Variants in VPS13B observed in about 807,000 individuals in gnomAD.
The protein encoded by VPS13B is intermembrane lipid transfer protein VPS13B.
In VPS13B, 285 loss-of-function variants were observed where a neutral mutation model predicts 426.4. The ratio of observed to expected loss-of-function variants is 0.67; its 90% CI spans 0.61 to 0.74. The LOEUF is 0.74. VPS13B is among the 30% of genes least tolerant of loss of function. The pLI is 0.00. For missense variants in VPS13B, 4,537 were observed against 4,782.6 expected (o/e 0.95, Z 1.51); for synonymous variants, 1,676 against 1,676.4 (o/e 1.00, Z 0.01).
intron 39 of VPS13B, among the ~76,000 whole-genome samples, chr8:99,740,711 TC>T (rs1433776279): frequency 9.9e-5 from 15 of 152,246 alleles, no homozygotes; most frequent in African/African-American, 3.4e-4. Context: ...GAATTTCATA[TC>T]CAGCCAAACT....
At chr8:99,769,231 A>C (rs1811368960) in intron 40 of VPS13B, among the ~76,000 whole-genome samples, 1 of 152,182 alleles carries the variant, frequency 6.6e-6, no homozygotes, top group African/African-American at 2.4e-5. Context: ...GTTTGAGACT[A>C]ATCATTTTTC....
intron 43 of VPS13B, among the ~76,000 whole-genome samples, chr8:99,807,605 C>T (rs758199790): frequency 6.6e-6 from 1 of 151,658 alleles, no homozygotes; most frequent in South Asian, 2.1e-4. Flanking sequence ...CAAAGATATT[C>T]TGGTACTTTT....
intron 25 of VPS13B, among the ~76,000 whole-genome samples, chr8:99,484,935 T>G (rs1020314447): frequency 1.3e-5 from 2 of 152,056 alleles, no homozygotes; most frequent in Non-Finnish European, 2.9e-5. Context: ...ATCTCCTTCA[T>G]AAAATTTTTG....
intron 3 of VPS13B, among the ~76,000 whole-genome samples, chr8:99,067,722 A>C (rs1212021120): frequency 6.6e-6 from 1 of 152,242 alleles, no homozygotes; most frequent in Admixed American, 6.5e-5. Context: ...CTAATAGTAT[A>C]ATGTATAATT....
intron 24 of VPS13B, among the ~76,000 whole-genome samples, chr8:99,480,372 T>G (rs150480315): frequency 1.3e-5 from 2 of 152,324 alleles, no homozygotes; most frequent in Admixed American, 6.5e-5. Context: ...AAAAGCAGCA[T>G]CATTTCTCTT....
Position 99,331,960 on chromosome 8 carries a change from TTTTG to T in VPS13B, c.2825-52244_2825-52241del, listed in dbSNP as rs1287659206. ...TTAACACAGTACAGCATAAATTCTGTTTTGTTTAAGGAATTTTTAAAAAATTTAT... is the reference window on the plus strand; with the variant it reads ...TTAACACAGTACAGCATAAATTCTGTTTTAAGGAATTTTTAAAAAATTTAT... On this transcript the variant is annotated intron_variant, in intron 19 of 61. Transcript: ENST00000357162. Among the ~76,000 whole-genome samples, 5 of 151,920 alleles carry T rather than the reference TTTTG, an allele frequency of 3.3e-5. No homozygotes were observed. In the East Asian group the frequency reaches 7.7e-4, roughly 23 times the overall value.
intron 19 of VPS13B, among the ~76,000 whole-genome samples, chr8:99,312,548 C>T (rs972896511): frequency 2.6e-5 from 4 of 152,202 alleles, no homozygotes; most frequent in African/African-American, 4.8e-5. Context: ...GCTGTTGGTC[C>T]GATGGGCTTC....
chr8:99,114,145 C>CTTTT (rs35036952), intron 6 of VPS13B, among the ~76,000 whole-genome samples: 4 of 146,354 alleles, frequency 2.7e-5, no homozygotes, highest in African/African-American at 5.0e-5. Context: ...TTGCAAATAT[C>CTTTT]TTTTTTTTTT....
At chr8:99,257,744 C>T (rs1013076046) in intron 17 of VPS13B, among the ~76,000 whole-genome samples, 1 of 149,980 alleles carries the variant, frequency 6.7e-6, no homozygotes, top group Non-Finnish European at 1.5e-5. Flanking sequence ...TCTATGTTTC[C>T]TGTGTAGTAT....
chr8:99,371,478 G>T (rs930079393), intron 19 of VPS13B, among the ~76,000 whole-genome samples: 26 of 152,172 alleles, frequency 1.7e-4, no homozygotes, highest in African/African-American at 5.8e-4. Context: ...AGGCTGTTTT[G>T]GTTACTGTAG....
intron 30 of VPS13B, among the ~76,000 whole-genome samples, chr8:99,524,298 T>C (rs1822530300): frequency 1.3e-5 from 2 of 152,130 alleles, no homozygotes. Flanking sequence ...GAGAGAGTGA[T>C]AGGAGTAGAA....
intron 33 of VPS13B, among the ~76,000 whole-genome samples, chr8:99,583,720 G>T: frequency 6.6e-6 from 1 of 152,234 alleles, no homozygotes; most frequent in African/African-American, 2.4e-5. Flanking sequence ...GTGTGGTTGC[G>T]TAATAACAGA....
chr8:99,053,892 C>G (rs200270973), intron 3 of VPS13B, among the ~76,000 whole-genome samples: 3 of 152,190 alleles, frequency 2.0e-5, no homozygotes, highest in East Asian at 1.9e-4. Context: ...TTAGTAGAGA[C>G]TGGGTTTCAC....
chr8:99,065,498 T>C (rs544292415), intron 3 of VPS13B, among the ~76,000 whole-genome samples: 2 of 152,270 alleles, frequency 1.3e-5, no homozygotes, highest in East Asian at 3.9e-4. Flanking sequence ...AACTAGGTAT[T>C]GATGGAACGT....
chr8:99,741,237 A>T (rs1327587623), intron 39 of VPS13B, among the ~76,000 whole-genome samples: 1 of 152,236 alleles, frequency 6.6e-6, no homozygotes, highest in Non-Finnish European at 1.5e-5. Flanking sequence ...AGGCCATTAC[A>T]TAATGGTAAA....
chr8:99,365,218 A>C (rs932308856), intron 19 of VPS13B, among the ~76,000 whole-genome samples: 7 of 151,552 alleles, frequency 4.6e-5, no homozygotes, highest in African/African-American at 1.7e-4. Context: ...TTTTCAAAAA[A>C]TCAATATTAT....
Position 99,178,003 on chromosome 8 carries a change from T to C in VPS13B, c.2333+7840T>C, listed in dbSNP as rs190184387. Among the ~76,000 whole-genome samples, 8 of 152,204 alleles carry C rather than the reference T, an allele frequency of 5.3e-5. No homozygotes were observed. In the East Asian group the frequency reaches 1.5e-3, roughly 29 times the overall value. On this transcript the variant is annotated intron_variant, in intron 16 of 61. Transcript: ENST00000357162. ...TGAAAGTCAGTAGTATTCTTTGAGT[T>C]CAAAAGAACTCTACGTTGTTAATGT...
intron 19 of VPS13B, among the ~76,000 whole-genome samples, chr8:99,280,916 A>G (rs1209849259): frequency 2.6e-5 from 4 of 151,978 alleles, no homozygotes; most frequent in Non-Finnish European, 1.5e-5. Flanking sequence ...ATTTACTGCT[A>G]TGGTTGATCA....
chr8:99,559,198 T>G (rs553209350), intron 31 of VPS13B, among the ~76,000 whole-genome samples: 1 of 152,380 alleles, frequency 6.6e-6, no homozygotes, highest in African/African-American at 2.4e-5. Flanking sequence ...GCTGCATAAA[T>G]GTCTTCTTTT....
Sources: gnomAD v4.1 joint callset for allele counts (sites outside exome capture counted in the v4.1 genomes callset) on GRCh38, gnomAD v4.1.1 for gene constraint, MANE v1.5 for transcripts, NCBI Gene and HGNC (gene_info 2026-07-23, HGNC 2026-07-21) for gene names.